Variants in DEAF1 observed in about 807,000 individuals in gnomAD.
DEAF1 encodes deformed epidermal autoregulatory factor 1 homolog.
DEAF1 carries 53 observed loss-of-function variants against 58.9 expected under a neutral mutation model. That is an observed-to-expected ratio of 0.90 (90% CI 0.72 to 1.13). DEAF1 has a LOEUF of 1.13. Ranked by LOEUF, DEAF1 falls within the 50% of genes most tolerant of loss-of-function variation. DEAF1 has a pLI of 0.00. For synonymous variants in DEAF1, 385 were observed against 340.4 expected (o/e 1.13, Z -1.44); for missense variants, 685 against 791.4 (o/e 0.87, Z 1.61).
chr11:688,165 A>G lies in DEAF1; in HGVS notation c.518-108T>C. On this transcript the variant is annotated intron_variant, in intron 3 of 11. Coordinates refer to ENST00000382409, the MANE Select transcript of DEAF1 (RefSeq NM_021008.4). This position sits in a 1 kb window ranked among gnomAD's most constrained non-coding sequence, Gnocchi z 4.3. ...GCAGCGCCACCTCCTTCAACGGCGG[A>G]AAAACTTCTTGGTCAGGAAAATTCC... is the stretch of plus-strand genomic sequence containing the variant. 5 of 1,557,486 alleles carry G rather than the reference A, an allele frequency of 3.2e-6. No individual in the cohort carries two copies. The highest frequency in any genetic ancestry group is 4.4e-6 in the Non-Finnish European group (5 of 1,142,352).
intron 10 of DEAF1, 23 bp downstream of exon 10, chr11:674,513 C>T: frequency 6.2e-7 from 1 of 1,613,652 alleles, no homozygotes; most frequent in South Asian, 1.1e-5. Flanking sequence ...CAGGTCGTGT[C>T]TTCCCATTTG....
intron 6 of DEAF1, among the ~76,000 whole-genome samples, chr11:683,690 T>A (rs995247837): frequency 6.6e-6 from 1 of 152,266 alleles, no homozygotes; most frequent in Non-Finnish European, 1.5e-5. Context: ...ATAGTCATTG[T>A]GTTAAACCTA....
intron 10 of DEAF1, among the ~76,000 whole-genome samples, chr11:663,565 C>G (rs910547121): frequency 6.6e-6 from 1 of 151,218 alleles, no homozygotes; most frequent in Non-Finnish European, 1.5e-5. Flanking sequence ...CTCAAATCGC[C>G]TCAGCAACTG....
intron 1 of DEAF1, among the ~76,000 whole-genome samples, chr11:692,871 T>C (rs1365901729): frequency 1.4e-5 from 2 of 146,340 alleles, no homozygotes; most frequent in South Asian, 2.2e-4. Flanking sequence ...AAAAAAGGCA[T>C]GTTTGCTGTC....
At chr11:671,988 C>A (rs1029437631) in intron 10 of DEAF1, among the ~76,000 whole-genome samples, 19 of 152,166 alleles carry the variant, frequency 1.2e-4, no homozygotes, top group African/African-American at 4.6e-4. Flanking sequence ...GAGACCTCCC[C>A]AGCCATGTGG....
intron 1 of DEAF1, chr11:700,226 A>G: frequency 1.2e-6 from 2 of 1,613,674 alleles, no homozygotes; most frequent in East Asian, 2.2e-5. Context: ...CCTGATGATC[A>G]CGTATAAAAG....
chr11:665,502 G>A (rs547593133), intron 10 of DEAF1, among the ~76,000 whole-genome samples: 4 of 152,248 alleles, frequency 2.6e-5, no homozygotes, highest in Non-Finnish European at 4.4e-5. Flanking sequence ...GCTGCTTCCA[G>A]CTGAGAAAGG....
chr11:658,446 A>C (rs1311931079), intron 10 of DEAF1, among the ~76,000 whole-genome samples: 1 of 152,134 alleles, frequency 6.6e-6, no homozygotes. Flanking sequence ...AAAACAAAAA[A>C]CCATTCATTA....
intron 10 of DEAF1, among the ~76,000 whole-genome samples, chr11:656,045 G>A (rs1185917354): frequency 6.6e-6 from 1 of 152,022 alleles, no homozygotes; most frequent in East Asian, 1.9e-4. Context: ...TATTGGTCAG[G>A]CTGGTCTCGA....
chr11:667,757 C>T (rs969420823), intron 10 of DEAF1, among the ~76,000 whole-genome samples: 3 of 148,862 alleles, frequency 2.0e-5, no homozygotes, highest in Non-Finnish European at 4.5e-5. Context: ...TGCAGCGAAC[C>T]GAGATGGCAT....
intron 11 of DEAF1, among the ~76,000 whole-genome samples, chr11:649,128 G>A (rs1858639450): frequency 6.6e-6 from 1 of 152,134 alleles, no homozygotes; most frequent in Non-Finnish European, 1.5e-5. Flanking sequence ...GTGCATGCCT[G>A]TAATCCCAAC....
chr11:704,247 G>T, intron 1 of DEAF1: 2 of 793,660 alleles, frequency 2.5e-6, no homozygotes, highest in Non-Finnish European at 3.4e-6. Flanking sequence ...GGCCCTGGCT[G>T]CCGGGCGCCT....
At chr11:655,245 C>T (rs570993694) in intron 10 of DEAF1, among the ~76,000 whole-genome samples, 12 of 152,346 alleles carry the variant, frequency 7.9e-5, no homozygotes, top group Non-Finnish European at 1.0e-4. Context: ...CAAACTGCTG[C>T]GGCGGTGCCC....
chr11:658,851 C>T (rs1859188805), intron 10 of DEAF1, among the ~76,000 whole-genome samples: 1 of 152,216 alleles, frequency 6.6e-6, no homozygotes, highest in Admixed American at 6.5e-5. Context: ...CTACTTTTGG[C>T]AATGCAATAG....
chr11:691,856 A>G (rs978360899), intron 1 of DEAF1, among the ~76,000 whole-genome samples: 1 of 152,192 alleles, frequency 6.6e-6, no homozygotes, highest in Non-Finnish European at 1.5e-5. Context: ...AAATGCATAC[A>G]ACAAACCCGC....
In DEAF1 at chr11:694,939, C is replaced by G. The variant is rs1204766429; in HGVS notation, c.109G>C (p.Ala37Pro). 7.5e-7 allele frequency: 1 copy of G among 1,327,096 alleles called. No homozygotes were observed. 82.2% of individuals were successfully genotyped at this position (1,327,096 alleles called of 1,614,324 possible). ...AAAAAAAGGE[A>P]EEPVLSRDED... ...TCCCTGCTCAGCACCGGCTCCTCCGCCTCGCCTCCTGCCGCGGCCGCGGCC... is the reference window on the plus strand; with the variant it reads ...TCCCTGCTCAGCACCGGCTCCTCCGGCTCGCCTCCTGCCGCGGCCGCGGCC... Residue 37 changes from alanine to proline, a missense_variant, in exon 1 of 12, where the codon GCG (alanine) becomes CCG (proline). Ala to Pro is a conservative substitution (Grantham distance 27). Around this residue, in one of 3 missense-constraint regions of DEAF1, gnomAD observed 210 missense variants for 177.3 expected, o/e 1.18. Transcript: ENST00000382409.
chr11:653,165 C>T (rs896129893), intron 11 of DEAF1, among the ~76,000 whole-genome samples: 1 of 151,016 alleles, frequency 6.6e-6, no homozygotes, highest in Non-Finnish European at 1.5e-5. Context: ...TTATACAATC[C>T]TGAACTACCG....
At position 688,284 on chromosome 11, in the gene DEAF1, T is replaced by C; in HGVS notation, c.517+47A>G. ...AATCCCTGAAATAAATTCTAGCTAT[T>C]CTGAAACGTGTTTTGCCCGAGGCCT... On this transcript the variant is annotated intron_variant, in intron 3 of 11. Transcript: ENST00000382409. The surrounding 1 kb of genome is among the most constrained non-coding windows in gnomAD (Gnocchi z 4.3). The C allele has an allele frequency of 1.9e-6, 3 of 1,602,558 alleles. No homozygotes were observed. Among genetic ancestry groups the C allele is most frequent in the African/African-American group, 1.3e-5 (1 of 74,520 alleles).
intron 1 of DEAF1, among the ~76,000 whole-genome samples, chr11:692,917 C>T (rs1860896015): frequency 6.6e-6 from 1 of 152,024 alleles, no homozygotes; most frequent in Non-Finnish European, 1.5e-5. Flanking sequence ...GTGCACGGTT[C>T]CCTCATCCTC....
Sources: gnomAD v4.1 joint callset for allele counts (sites outside exome capture counted in the v4.1 genomes callset) on GRCh38, gnomAD v4.1.1 for gene constraint, gnomAD v4.1.1 regional missense constraint, Gnocchi (gnomAD v3.1) non-coding constraint, MANE v1.5 for transcripts, NCBI Gene and HGNC (gene_info 2026-07-23, HGNC 2026-07-21) for gene names.